KPNA7: variants seen among roughly 807,000 people sequenced by gnomAD.
The protein encoded by KPNA7 is importin subunit alpha-8.
A neutral mutation model predicts 53.7 loss-of-function variants in KPNA7; 54 were observed. The observed-to-expected ratio is 1.01, with a 90% CI of 0.81 to 1.26. The LOEUF (loss-of-function observed/expected upper bound fraction) is 1.26. Among genes scored for constraint, KPNA7 ranks in the 50% most tolerant of loss-of-function variants. The pLI is 0.00. For synonymous variants in KPNA7, 276 were observed against 259.3 expected (o/e 1.06, Z -0.62); for missense variants, 640 against 644.5 (o/e 0.99, Z 0.07).
intron 3 of KPNA7, among the ~76,000 whole-genome samples, chr7:99,200,535 CAA>C (rs1333913647): frequency 2.6e-5 from 4 of 152,150 alleles, no homozygotes; most frequent in Admixed American, 6.6e-5. Context: ...CAGCCTACCA[CAA>C]AGAGTGAAAC....
At chr7:99,164,079 G>A in the KPNA7 span, among the ~76,000 whole-genome samples, 1 of 150,288 alleles carries the variant, frequency 6.7e-6, no homozygotes, top group African/African-American at 2.4e-5. Flanking sequence ...AGTCAGTGTG[G>A]TGATTCCTCA....
At chr7:99,156,647 C>T in the KPNA7 span, among the ~76,000 whole-genome samples, 1 of 152,040 alleles carries the variant, frequency 6.6e-6, no homozygotes, top group Non-Finnish European at 1.5e-5. Flanking sequence ...GCCTCAGCCT[C>T]CAAAGTAGCT....
chr7:99,192,034 T>C (rs1265084672), intron 6 of KPNA7, among the ~76,000 whole-genome samples: 1 of 152,168 alleles, frequency 6.6e-6, no homozygotes. Context: ...AGAAGTCCTC[T>C]TCAATCAATA....
chr7:99,196,182 C>T lies in KPNA7; in HGVS notation c.202-16G>A, dbSNP rs1433171736. 5 of 1,541,934 alleles carry T rather than the reference C, an allele frequency of 3.2e-6. No individual in the cohort carries two copies. Among genetic ancestry groups the T allele is most frequent in the Admixed American group, 2.0e-5 (1 of 50,984 alleles). On this transcript the variant is annotated splice_polypyrimidine_tract_variant and intron_variant, in intron 3 of 10. Coordinates refer to ENST00000327442, the MANE Select transcript of KPNA7 (RefSeq NM_001145715.3). Reference sequence around the variant, plus strand: ...TGAGGCTGACCTGCAAGAAGAGACACATTCAGGTCAGACTGTCTGCCAAAA... The same window carrying T: ...TGAGGCTGACCTGCAAGAAGAGACATATTCAGGTCAGACTGTCTGCCAAAA...
At chr7:99,166,354 C>CATCCAGGCTGCAGTGCAGTGACGTG in the KPNA7 span, among the ~76,000 whole-genome samples, 1 of 152,130 alleles carries the variant, frequency 6.6e-6, no homozygotes, top group South Asian at 2.1e-4. Context: ...TGGTCTCCGT[C>CATCCAGGCTGCAGTGCAGTGACGTG]ATCCAGGCTG....
At chr7:99,147,135 G>C in the KPNA7 span, among the ~76,000 whole-genome samples, 1 of 152,124 alleles carries the variant, frequency 6.6e-6, no homozygotes, top group South Asian at 2.1e-4. Flanking sequence ...TAGGAACAAG[G>C]AATACAAAAT....
At chr7:99,162,274 C>G in the KPNA7 span, among the ~76,000 whole-genome samples, 1 of 151,994 alleles carries the variant, frequency 6.6e-6, no homozygotes, top group African/African-American at 2.4e-5. Context: ...GAACTCCTGA[C>G]CTCAGGTGAT....
At chr7:99,149,862 C>T in the KPNA7 span, among the ~76,000 whole-genome samples, 1 of 152,084 alleles carries the variant, frequency 6.6e-6, no homozygotes, top group South Asian at 2.1e-4. Context: ...TCTCGGCTCA[C>T]GTGCAACCTG....
the KPNA7 span, among the ~76,000 whole-genome samples, chr7:99,162,686 C>A: frequency 2.6e-5 from 4 of 152,164 alleles, no homozygotes; most frequent in African/African-American, 7.2e-5. Context: ...TTTGAGCCAA[C>A]AAGGTTAGAT....
the KPNA7 span, among the ~76,000 whole-genome samples, chr7:99,165,510 C>A: frequency 1.3e-5 from 2 of 152,140 alleles, no homozygotes; most frequent in Non-Finnish European, 2.9e-5. Context: ...GATGAAGATA[C>A]TGATTGCAGG....
the KPNA7 span, among the ~76,000 whole-genome samples, chr7:99,146,735 A>C: frequency 5.2e-4 from 75 of 144,000 alleles, no homozygotes; most frequent in African/African-American, 1.9e-3. Context: ...AAAAAAAAAA[A>C]AAAAAAAAAA....
At chr7:99,211,068 A>G (rs1167683695), upstream of KPNA7, among the ~76,000 whole-genome samples, 2 of 152,140 alleles carry the variant, frequency 1.3e-5, no homozygotes, top group Non-Finnish European at 2.9e-5. Context: ...AGAAAAGACT[A>G]ATTCAGACAT....
intron 4 of KPNA7, 43 bp downstream of exon 4, chr7:99,196,041 G>T: frequency 2.0e-6 from 3 of 1,496,844 alleles, no homozygotes; most frequent in Non-Finnish European, 2.7e-6. Flanking sequence ...GACGCTCATT[G>T]CTAACTATGA....
chr7:99,210,417 A>T (rs1791035595), upstream of KPNA7, among the ~76,000 whole-genome samples: 1 of 151,082 alleles, frequency 6.6e-6, no homozygotes, highest in African/African-American at 2.4e-5. Flanking sequence ...ACTGTGTCTT[A>T]GGCAGGGATT....
the KPNA7 span, among the ~76,000 whole-genome samples, chr7:99,165,726 G>A: frequency 8.1e-3 from 1,227 of 152,260 alleles, 15 homozygotes; most frequent in African/African-American, 0.028. Context: ...CACTCAACTT[G>A]TACAGATCAA....
chr7:99,216,980 A>G (rs1205465482), intron 1 of KPNA7, among the ~76,000 whole-genome samples: 3 of 152,076 alleles, frequency 2.0e-5, no homozygotes, highest in Admixed American at 1.3e-4. Flanking sequence ...AGCTTTCTAT[A>G]CTTTTCTAGA....
the KPNA7 span, among the ~76,000 whole-genome samples, chr7:99,168,050 A>T: frequency 3.3e-5 from 5 of 151,484 alleles, no homozygotes; most frequent in Non-Finnish European, 5.9e-5. Flanking sequence ...GGTGTCCAAA[A>T]GGGAACCACT....
At chr7:99,170,063 C>T (rs1479613619), downstream of KPNA7, among the ~76,000 whole-genome samples, 2 of 152,080 alleles carry the variant, frequency 1.3e-5, no homozygotes, top group South Asian at 4.2e-4. Context: ...CAGCTCTGAT[C>T]GTTGGGATCA....
At chr7:99,183,300 C>G (rs1355909222) in intron 8 of KPNA7, among the ~76,000 whole-genome samples, 3 of 152,058 alleles carry the variant, frequency 2.0e-5, no homozygotes, top group African/African-American at 4.8e-5. Flanking sequence ...ATAAAATGCA[C>G]TTGGCCAGAG....
Sources: allele counts gnomAD v4.1 joint callset (sites outside exome capture counted in the v4.1 genomes callset), GRCh38; gene constraint gnomAD v4.1.1; transcripts MANE v1.5; gene names NCBI Gene and HGNC (gene_info 2026-07-23, HGNC 2026-07-21).